Variants in DLGAP1 observed in about 807,000 individuals in gnomAD.
DLGAP1 encodes the protein disks large-associated protein 1.
DLGAP1 carries 11 observed loss-of-function variants against 90.8 expected under a neutral mutation model. The observed-to-expected ratio is 0.12, with a 90% CI of 0.08 to 0.20. The LOEUF (loss-of-function observed/expected upper bound fraction) is 0.20. Among genes scored for constraint, DLGAP1 ranks in the 10% least tolerant of loss-of-function variants. DLGAP1 has a pLI of 1.00. For missense variants in DLGAP1, 1,050 were observed against 1,333.8 expected (o/e 0.79, Z 3.31); for synonymous variants, 558 against 540.7 (o/e 1.03, Z -0.44).
chr18:3,637,518 G>C (rs2058759790), intron 7 of DLGAP1, among the ~76,000 whole-genome samples: 1 of 148,264 alleles, frequency 6.7e-6, no homozygotes, highest in African/African-American at 2.5e-5. Context: ...AGGATTGCCT[G>C]AGCCCAGGAG....
intron 10 of DLGAP1, among the ~76,000 whole-genome samples, chr18:3,525,251 G>A (rs948670601): frequency 6.6e-5 from 10 of 151,964 alleles, no homozygotes; most frequent in African/African-American, 1.9e-4. Flanking sequence ...TATCAGCCAC[G>A]AAATGGTAGC....
At chr18:4,072,440 T>C (rs4797142) in intron 2 of DLGAP1, among the ~76,000 whole-genome samples, 38,500 of 151,506 alleles carry the variant, frequency 0.25, 6,063 homozygotes, top group East Asian at 0.68. Context: ...ATCATCATCA[T>C]GATCAACATC....
At chr18:4,208,911 C>A (rs1269883310) in intron 1 of DLGAP1, among the ~76,000 whole-genome samples, 8 of 152,112 alleles carry the variant, frequency 5.3e-5, no homozygotes, top group Non-Finnish European at 8.8e-5. Context: ...CTATAATAGG[C>A]AGAGAACTCA....
At chr18:3,724,350 A>C (rs1228529025) in intron 7 of DLGAP1, among the ~76,000 whole-genome samples, 2 of 152,152 alleles carry the variant, frequency 1.3e-5, no homozygotes, top group Admixed American at 6.5e-5. Context: ...AAACTTTAAG[A>C]GTAACAGTGT....
At chr18:4,171,969 A>G (rs867918787) in intron 1 of DLGAP1, among the ~76,000 whole-genome samples, 4 of 152,310 alleles carry the variant, frequency 2.6e-5, no homozygotes, top group Admixed American at 1.3e-4. Context: ...TTTTTTTTCC[A>G]AAGATTTTTC....
Position 3,680,235 on chromosome 18 carries a change from C to T in DLGAP1, c.1591+48900G>A, listed in dbSNP as rs945059814. On this transcript the variant is annotated intron_variant, in intron 7 of 12. Coordinates refer to ENST00000315677, the MANE Select transcript of DLGAP1 (RefSeq NM_004746.4). The stretch of plus-strand genomic sequence containing the variant: ...GACCTCAGAAGGGAGCGAAACAAAA[C>T]CAAAAGTCATTCCAAATTGCTTAGG... The T allele has an allele frequency of 3.3e-5, 5 of 152,278 alleles. 1 individual carries two copies. Among genetic ancestry groups the T allele is most frequent in the Non-Finnish European group, 7.3e-5 (5 of 68,158 alleles). 9.4% of individuals were successfully genotyped at this position (152,278 alleles called of 1,614,324 possible). A position where few individuals can be genotyped will look rare whatever the true frequency, so the allele number is the denominator to read the frequency against.
chr18:4,423,026 G>T (rs2083075110), intron 1 of DLGAP1, among the ~76,000 whole-genome samples: 1 of 152,006 alleles, frequency 6.6e-6, no homozygotes, highest in Admixed American at 6.6e-5. Flanking sequence ...CGTCTTCCAA[G>T]ATATTTTTAT....
chr18:4,397,824 G>A (rs547681886), intron 1 of DLGAP1, among the ~76,000 whole-genome samples: 1 of 152,060 alleles, frequency 6.6e-6, no homozygotes, highest in African/African-American at 2.4e-5. Context: ...TTAATCAGCC[G>A]GAGGTAAAGA....
chr18:3,789,121 G>A (rs2065600613), intron 5 of DLGAP1, among the ~76,000 whole-genome samples: 1 of 152,202 alleles, frequency 6.6e-6, no homozygotes, highest in Non-Finnish European at 1.5e-5. Flanking sequence ...TTGAGCCCTC[G>A]CTGTGAGTCT....
intron 1 of DLGAP1, among the ~76,000 whole-genome samples, chr18:4,176,816 G>A (rs2077116287): frequency 6.6e-6 from 1 of 152,238 alleles, no homozygotes; most frequent in African/African-American, 2.4e-5. Flanking sequence ...AAGGAATGGA[G>A]CGGATGCCAT....
At position 3,645,533 on chromosome 18, in the gene DLGAP1, T is replaced by C. The variant is rs190753937; in HGVS notation, c.1592-63285A>G. On this transcript the variant is annotated intron_variant, in intron 7 of 12. Transcript: ENST00000315677. ...GAGGGCTAGGCGTTTTTCATCCTTC[T>C]GTCTGTGTGCAGGCTTAGGTCTCCC... Among the ~76,000 whole-genome samples, 40 of 152,316 alleles carry C rather than the reference T, an allele frequency of 2.6e-4. No individual in the cohort carries two copies. In the East Asian group the frequency reaches 7.7e-3, roughly 29 times the overall value.
At chr18:3,633,168 C>T (rs865867611) in intron 7 of DLGAP1, among the ~76,000 whole-genome samples, 2 of 152,064 alleles carry the variant, frequency 1.3e-5, no homozygotes, top group African/African-American at 2.4e-5. Flanking sequence ...GAGGCCAAGG[C>T]GAGCAAATCA....
chr18:3,755,545 T>G (rs1444678899), intron 5 of DLGAP1, among the ~76,000 whole-genome samples: 2 of 152,104 alleles, frequency 1.3e-5, no homozygotes, highest in African/African-American at 4.8e-5. Context: ...AAATATACTT[T>G]AGGACAAAAA....
intron 8 of DLGAP1, among the ~76,000 whole-genome samples, chr18:3,581,258 T>G (rs1462754096): frequency 6.6e-6 from 1 of 152,228 alleles, no homozygotes; most frequent in Non-Finnish European, 1.5e-5. Context: ...TAGTCTGGTT[T>G]GGTGAGGCCC....
In DLGAP1 at chr18:3,729,107, C is replaced by A; in HGVS notation, c.1591+28G>T. The stretch of plus-strand genomic sequence containing the variant: ...GTCGTGCCATAGCCAGCACAGGGGC[C>A]AGGCTGGCTGAGGGCCCGCGCACTC... On this transcript the variant is annotated intron_variant, in intron 7 of 12. Transcript: ENST00000315677. This position sits in a 1 kb window ranked among gnomAD's most constrained non-coding sequence, Gnocchi z 6.2. 2.5e-6 allele frequency: 4 copies of A among 1,581,160 alleles called. No homozygotes were observed. The highest frequency in any genetic ancestry group is 2.6e-6 in the Non-Finnish European group (3 of 1,162,294).
At chr18:3,659,398 C>T (rs796494893) in intron 7 of DLGAP1, among the ~76,000 whole-genome samples, 34 of 119,682 alleles carry the variant, frequency 2.8e-4, no homozygotes, top group Admixed American at 7.9e-4. Context: ...CATTTATACA[C>T]ACACACACAC....
At position 3,980,810 on chromosome 18, in the gene DLGAP1, C is replaced by G. The variant is rs184578520; in HGVS notation, c.-73+24306G>C. 2.7e-3 allele frequency among the ~76,000 whole-genome samples: 415 copies of G among 152,204 alleles called. 1 individual carries two copies. The highest frequency in any genetic ancestry group is 9.1e-3 in the African/African-American group (377 of 41,516). On this transcript the variant is annotated intron_variant, in intron 3 of 12. Transcript: ENST00000315677. ...CATGATGTTTTGAAACATGCATACA[C>G]GTATCATATATTCATATACATATAT...
chr18:4,190,050 C>T (rs958878169), intron 1 of DLGAP1, among the ~76,000 whole-genome samples: 1 of 152,078 alleles, frequency 6.6e-6, no homozygotes, highest in African/African-American at 2.4e-5. Flanking sequence ...TAGGTATTTA[C>T]TCAAGTGAGT....
At chr18:4,449,224 T>TGAATAAGAAGGAGGAG (rs1282516218) in intron 1 of DLGAP1, among the ~76,000 whole-genome samples, 2 of 152,236 alleles carry the variant, frequency 1.3e-5, no homozygotes, top group Non-Finnish European at 1.5e-5. Flanking sequence ...ATGTTAATTT[T>TGAATAAGAAGGAGGAG]GAATAAGAAG....
Sources: gnomAD v4.1 joint callset for allele counts (sites outside exome capture counted in the v4.1 genomes callset) on GRCh38, gnomAD v4.1.1 for gene constraint, Gnocchi (gnomAD v3.1) non-coding constraint, MANE v1.5 for transcripts, NCBI Gene and HGNC (gene_info 2026-07-23, HGNC 2026-07-21) for gene names.